MNAT1: variants seen among roughly 807,000 people sequenced by gnomAD.
MNAT1 encodes the protein CDK-activating kinase assembly factor MAT1.
Under a neutral mutation model 42.0 loss-of-function variants are expected in MNAT1, and 43 were observed. The observed-to-expected ratio is 1.02, with a 90% confidence interval of 0.80 to 1.32. MNAT1 has a LOEUF of 1.32. Ranked by LOEUF, MNAT1 falls within the 40% of genes most tolerant of loss-of-function variation. The pLI, the probability that MNAT1 is intolerant of heterozygous loss-of-function variation, is 0.00. For synonymous variants in MNAT1, 118 were observed against 120.0 expected (o/e 0.98, Z 0.11); for missense variants, 306 against 350.4 (o/e 0.87, Z 1.01).
At chr14:60,742,691 A>G (rs907876444) in intron 1 of MNAT1, among the ~76,000 whole-genome samples, 1 of 152,112 alleles carries the variant, frequency 6.6e-6, no homozygotes, top group Non-Finnish European at 1.5e-5. Context: ...CCAGTTATCT[A>G]CTTTCTGACT....
chr14:60,946,537 T>C (rs1351075383), intron 7 of MNAT1, among the ~76,000 whole-genome samples: 2 of 152,168 alleles, frequency 1.3e-5, no homozygotes, highest in African/African-American at 4.8e-5. Flanking sequence ...TTTTTGTTTT[T>C]TTTTTCTTCC....
intron 6 of MNAT1, among the ~76,000 whole-genome samples, chr14:60,866,397 T>C (rs1358664753): frequency 3.3e-5 from 5 of 149,506 alleles, no homozygotes; most frequent in Non-Finnish European, 7.4e-5. Context: ...AAGTCAGTCA[T>C]ATAATTTAGG....
At chr14:60,869,350 A>G (rs2034279505) in intron 6 of MNAT1, among the ~76,000 whole-genome samples, 1 of 151,864 alleles carries the variant, frequency 6.6e-6, no homozygotes, top group Non-Finnish European at 1.5e-5. Flanking sequence ...CTATATTGTT[A>G]TATTTTTATA....
intron 1 of MNAT1, among the ~76,000 whole-genome samples, chr14:60,786,420 T>G (rs1434852611): frequency 6.6e-6 from 1 of 152,168 alleles, no homozygotes; most frequent in Non-Finnish European, 1.5e-5. Context: ...AATCTTTTAT[T>G]GGTCACATGT....
intron 7 of MNAT1, among the ~76,000 whole-genome samples, chr14:60,895,295 A>C (rs771225494): frequency 4.6e-5 from 7 of 152,186 alleles, no homozygotes; most frequent in Non-Finnish European, 1.0e-4. Context: ...TTACCTAACT[A>C]AATTTTTAGA....
At chr14:60,830,609 G>C (rs1459524014) in intron 6 of MNAT1, among the ~76,000 whole-genome samples, 1 of 152,076 alleles carries the variant, frequency 6.6e-6, no homozygotes, top group East Asian at 1.9e-4. Flanking sequence ...TAATTTTTCA[G>C]CTAAGCAGAC....
In MNAT1 at chr14:60,892,557, T is replaced by C. The variant is rs4151310; in HGVS notation, c.809+12722T>C. Among the ~76,000 whole-genome samples, 779 of 152,244 alleles carry C rather than the reference T, an allele frequency of 5.1e-3. 14 individuals are homozygous for C. The highest frequency in any genetic ancestry group is 0.018 in the African/African-American group (731 of 41,574). On this transcript the variant is annotated intron_variant, in intron 7 of 7. Coordinates refer to ENST00000261245, the MANE Select transcript of MNAT1 (RefSeq NM_002431.4). ...TTTATTTTTTATGTATTCTACCAAT[T>C]TCTATCTTTTGATTGGAGGGTTTAA...
intron 7 of MNAT1, among the ~76,000 whole-genome samples, chr14:60,915,445 C>G (rs2035491443): frequency 6.6e-6 from 1 of 152,148 alleles, no homozygotes; most frequent in Non-Finnish European, 1.5e-5. Flanking sequence ...TTAGATTTCC[C>G]ATAATGATTG....
At chr14:60,753,787 G>C (rs1311468303) in intron 1 of MNAT1, 1 of 152,192 alleles carries the variant, frequency 6.6e-6, no homozygotes, top group Admixed American at 6.5e-5. Flanking sequence ...TTGAATCCAA[G>C]AGGGCTCCCA....
At chr14:60,786,467 T>C (rs2031654826) in intron 1 of MNAT1, among the ~76,000 whole-genome samples, 1 of 152,176 alleles carries the variant, frequency 6.6e-6, no homozygotes, top group African/African-American at 2.4e-5. Flanking sequence ...TTAGTAACTT[T>C]TATAATTTTA....
intron 7 of MNAT1, among the ~76,000 whole-genome samples, chr14:60,944,271 T>G (rs1279330273): frequency 6.6e-6 from 1 of 151,984 alleles, no homozygotes; most frequent in African/African-American, 2.4e-5. Context: ...GTTTCTATAG[T>G]CCTTTTGTAT....
intron 3 of MNAT1, among the ~76,000 whole-genome samples, chr14:60,802,946 T>C (rs2032252455): frequency 1.3e-5 from 2 of 151,182 alleles, no homozygotes; most frequent in Non-Finnish European, 3.0e-5. Flanking sequence ...TTTTTTTTTT[T>C]TTTTGAGACG....
At chr14:60,928,121 A>G (rs1458711572) in intron 7 of MNAT1, among the ~76,000 whole-genome samples, 3 of 152,170 alleles carry the variant, frequency 2.0e-5, no homozygotes, top group African/African-American at 7.2e-5. Context: ...AAATGGAATC[A>G]TAAGTATGTG....
chr14:60,784,903 A>G (rs892468972), intron 1 of MNAT1, among the ~76,000 whole-genome samples: 2 of 151,890 alleles, frequency 1.3e-5, no homozygotes, highest in Non-Finnish European at 2.9e-5. Context: ...CCTAGGCTGC[A>G]GTGCAGTGGT....
rs1276225007 is a variant in MNAT1 at position 60,935,962 on chromosome 14, GA to G, written c.810-32260del. ...AACAGGATATTATTAGGCTAAAAGG[GA>G]AAAAAAGAAACAAAAAACCCAGCAC... On this transcript the variant is annotated intron_variant, in intron 7 of 7. Coordinates refer to ENST00000261245, the MANE Select transcript of MNAT1 (RefSeq NM_002431.4). Among the ~76,000 whole-genome samples, 6 of 151,998 alleles carry G rather than the reference GA, an allele frequency of 3.9e-5. No homozygotes were observed. In the East Asian group the frequency reaches 1.2e-3, roughly 29 times the overall value.
intron 6 of MNAT1, among the ~76,000 whole-genome samples, chr14:60,825,833 G>A (rs569792855): frequency 3.3e-5 from 5 of 152,168 alleles, no homozygotes; most frequent in African/African-American, 1.2e-4. Flanking sequence ...TTAAGGGGCA[G>A]GAGTCAGCAT....
In MNAT1 at chr14:60,870,294, T is replaced by C. The variant is rs138973037; in HGVS notation, c.688-9420T>C. ...ATTGTAGAGGAATAAAAACACTAAT[T>C]ATATATACTACTGAATGTACAGTTT... is the stretch of plus-strand genomic sequence containing the variant. On this transcript the variant is annotated intron_variant, in intron 6 of 7. Transcript: ENST00000261245. 5.0e-3 allele frequency among the ~76,000 whole-genome samples: 760 copies of C among 152,228 alleles called. 10 individuals carry two copies. The highest frequency in any genetic ancestry group is 0.016 in the African/African-American group (682 of 41,564).
At chr14:60,785,642 G>T (rs1054401841) in intron 1 of MNAT1, among the ~76,000 whole-genome samples, 1 of 152,144 alleles carries the variant, frequency 6.6e-6, no homozygotes, top group Non-Finnish European at 1.5e-5. Flanking sequence ...GGTAGGAGAT[G>T]ATAGTTTATT....
chr14:60,825,553 T>TG (rs953197221), intron 6 of MNAT1, among the ~76,000 whole-genome samples: 1 of 152,202 alleles, frequency 6.6e-6, no homozygotes, highest in Non-Finnish European at 1.5e-5. Context: ...TTGTGACCTA[T>TG]GATAGTTCTT....
Sources: gnomAD v4.1 joint callset for allele counts (sites outside exome capture counted in the v4.1 genomes callset) on GRCh38, gnomAD v4.1.1 for gene constraint, MANE v1.5 for transcripts, NCBI Gene and HGNC (gene_info 2026-07-23, HGNC 2026-07-21) for gene names.